The following SRPK2 variants were observed in gnomAD, a reference collection of about 807,000 sequenced individuals.
The protein encoded by SRPK2 is SFRS protein kinase 2.
A neutral mutation model predicts 90.8 loss-of-function variants in SRPK2; 21 were observed. That is an observed-to-expected ratio of 0.23 (90% CI 0.16 to 0.33). The LOEUF (loss-of-function observed/expected upper bound fraction) is 0.33. Among genes scored for constraint, SRPK2 ranks in the 10% least tolerant of loss-of-function variants. The pLI, the probability that SRPK2 is intolerant of heterozygous loss-of-function variation, is 1.00. For synonymous variants in SRPK2, 288 were observed against 311.1 expected (o/e 0.93, Z 0.78); for missense variants, 620 against 869.0 (o/e 0.71, Z 3.60).
rs1418834167 is a variant in SRPK2, at chr7:105,388,790, C to T, written c.16+1G>A. The T allele has an allele frequency of 6.7e-7, 1 of 1,485,000 alleles. No individual in the cohort carries two copies. Among genetic ancestry groups the T allele is most frequent in the Non-Finnish European group, 9.0e-7 (1 of 1,113,628 alleles). The allele number at this position is 1,485,000 out of a possible 1,614,324, so 92.0% of individuals were successfully genotyped here. On this transcript the variant is annotated splice_donor_variant, in intron 1 of 15. Transcript: ENST00000393651. LOFTEE classifies it high-confidence loss of function. Reference sequence around the variant, plus strand: ...GAGAGGGCGCGCCGCGGGCCACTCACCTTTCCGGGAGCTCATTCCGACGCG... The same window carrying T: ...GAGAGGGCGCGCCGCGGGCCACTCATCTTTCCGGGAGCTCATTCCGACGCG...
chr7:105,349,520 C>A (rs1386539353), intron 2 of SRPK2, among the ~76,000 whole-genome samples: 1 of 131,020 alleles, frequency 7.6e-6, no homozygotes, highest in Non-Finnish European at 1.6e-5. Flanking sequence ...GAAACTCCAT[C>A]TCAAAAAAAA....
intron 2 of SRPK2, among the ~76,000 whole-genome samples, chr7:105,383,157 TG>T (rs2132702984): frequency 1.5e-5 from 2 of 135,980 alleles, no homozygotes; most frequent in East Asian, 4.8e-4. Flanking sequence ...CTCCGCCTCC[TG>T]GGTTCACGCC....
intron 2 of SRPK2, among the ~76,000 whole-genome samples, chr7:105,352,119 CTTT>C (rs1563274326): frequency 1.3e-5 from 2 of 152,168 alleles, no homozygotes; most frequent in Non-Finnish European, 2.9e-5. Flanking sequence ...GAATCCCCGT[CTTT>C]TAACTCTTCA....
intron 2 of SRPK2, among the ~76,000 whole-genome samples, chr7:105,263,268 AGCTGAGATC>A (rs1804572161): frequency 6.6e-6 from 1 of 152,096 alleles, no homozygotes; most frequent in Non-Finnish European, 1.5e-5. Context: ...GGTTGCAGTG[AGCTGAGATC>A]GCTCCACTTT....
intron 3 of SRPK2, among the ~76,000 whole-genome samples, chr7:105,177,526 A>C (rs1028507711): frequency 2.6e-5 from 4 of 152,218 alleles, no homozygotes; most frequent in Non-Finnish European, 5.9e-5. Flanking sequence ...TCAACATAAA[A>C]GAGTTAAAAT....
chr7:105,274,866 C>T (rs945339581), intron 2 of SRPK2, among the ~76,000 whole-genome samples: 3 of 150,808 alleles, frequency 2.0e-5, no homozygotes, highest in African/African-American at 4.9e-5. Flanking sequence ...CCTTCTTCCT[C>T]GGTAATACTT....
intron 3 of SRPK2, among the ~76,000 whole-genome samples, chr7:105,195,081 G>A (rs1009347646): frequency 6.6e-6 from 1 of 152,110 alleles, no homozygotes; most frequent in African/African-American, 2.4e-5. Context: ...ACAGAGTCTC[G>A]TTCTATCGCC....
intron 2 of SRPK2, among the ~76,000 whole-genome samples, chr7:105,367,371 T>TC: frequency 6.6e-6 from 1 of 151,988 alleles, no homozygotes; most frequent in Admixed American, 6.6e-5. Context: ...CAAGCAATCC[T>TC]CCCGCCTCAG....
At chr7:105,119,028 C>A (rs1562947809) in intron 15 of SRPK2, among the ~76,000 whole-genome samples, 2 of 152,064 alleles carry the variant, frequency 1.3e-5, no homozygotes, top group African/African-American at 4.8e-5. Flanking sequence ...CCCCTGCCCA[C>A]AGACCTCCTT....
intron 2 of SRPK2, among the ~76,000 whole-genome samples, chr7:105,245,680 A>G (rs577556038): frequency 8.5e-5 from 13 of 152,254 alleles, no homozygotes; most frequent in Admixed American, 4.6e-4. Context: ...ATGAGGAGAT[A>G]AAGTAACTCG....
chr7:105,392,088 AAGC>A (rs760939578), upstream of SRPK2, among the ~76,000 whole-genome samples: 6 of 152,370 alleles, frequency 3.9e-5, no homozygotes, highest in Admixed American at 3.9e-4. Context: ...TGCTAAATAA[AAGC>A]AGCCAGACAC....
intron 7 of SRPK2, chr7:105,160,279 G>A (rs748273615): frequency 1.9e-5 from 6 of 308,346 alleles, no homozygotes; most frequent in East Asian, 5.2e-5. Context: ...GGCAAAAAAC[G>A]TATGCCTGAC....
At chr7:105,320,909 T>C (rs1812864535) in intron 2 of SRPK2, among the ~76,000 whole-genome samples, 1 of 152,194 alleles carries the variant, frequency 6.6e-6, no homozygotes, top group South Asian at 2.1e-4. Flanking sequence ...TAGCTCACTG[T>C]TGCCCTAAAC....
chr7:105,243,787 C>T (rs151014622), intron 2 of SRPK2, among the ~76,000 whole-genome samples: 1 of 152,200 alleles, frequency 6.6e-6, no homozygotes, highest in Non-Finnish European at 1.5e-5. Flanking sequence ...TATCTCTAAA[C>T]CATAACACAA....
chr7:105,135,625 C>T (rs140400253), intron 11 of SRPK2, among the ~76,000 whole-genome samples: 20 of 152,332 alleles, frequency 1.3e-4, no homozygotes, highest in Middle Eastern at 3.4e-3. Flanking sequence ...TGAGGGCACT[C>T]AAGTGGAAGG....
At chr7:105,203,589 G>A in intron 3 of SRPK2, 39 bp downstream of exon 3, 1 of 1,455,638 alleles carries the variant, frequency 6.9e-7, no homozygotes, top group Non-Finnish European at 9.1e-7. Context: ...CAGCCCAATG[G>A]GGAAGGCAAG....
chr7:105,396,456 C>G (rs970692433), intron 1 of SRPK2, among the ~76,000 whole-genome samples: 1 of 151,488 alleles, frequency 6.6e-6, no homozygotes, highest in East Asian at 2.0e-4. Context: ...GCTAACACGG[C>G]GAAATCTCAT....
At chr7:105,159,464 A>ACAAAAAAAAAAAC (rs1230460659) in intron 7 of SRPK2, among the ~76,000 whole-genome samples, 3 of 141,582 alleles carry the variant, frequency 2.1e-5, no homozygotes, top group African/African-American at 8.8e-5. Context: ...AAAAAAAAAA[A>ACAAAAAAAAAAAC]AAAAAAAAAC....
chr7:105,338,080 T>TAAAA (rs34625808), intron 2 of SRPK2, among the ~76,000 whole-genome samples: 4 of 140,392 alleles, frequency 2.8e-5, no homozygotes, highest in Non-Finnish European at 6.1e-5. Flanking sequence ...GAAAGAATAT[T>TAAAA]AAAAAAAAAA....
Sources: gnomAD v4.1 joint callset for allele counts (sites outside exome capture counted in the v4.1 genomes callset) on GRCh38, gnomAD v4.1.1 for gene constraint, MANE v1.5 for transcripts, NCBI Gene and HGNC (gene_info 2026-07-23, HGNC 2026-07-21) for gene names.